FAM91A1: variants seen among roughly 807,000 people sequenced by gnomAD.
FAM91A1 encodes family with sequence similarity 91 member A1.
A neutral mutation model predicts 113.5 loss-of-function variants in FAM91A1; 41 were observed. The ratio of observed to expected loss-of-function variants is 0.36; its 90% confidence interval spans 0.28 to 0.47. FAM91A1 has a LOEUF of 0.47. Among genes scored for constraint, FAM91A1 ranks in the 20% least tolerant of loss-of-function variants. The probability of loss-of-function intolerance (pLI) is 1.00; values close to 1 mark genes in which losing one functional copy is unlikely to be tolerated. For missense variants in FAM91A1, 696 were observed against 1,001.2 expected, an observed-to-expected ratio of 0.70 and a Z score of 4.11; for synonymous variants, 307 against 347.9, an observed-to-expected ratio of 0.88 and a Z score of 1.31.
At chr8:123,803,583 GT>G (rs1353237866) in intron 18 of FAM91A1, among the ~76,000 whole-genome samples, 2 of 152,164 alleles carry the variant, frequency 1.3e-5, no homozygotes, top group Non-Finnish European at 2.9e-5. Context: ...GATTACAGGT[GT>G]GAGCCACCAC....
rs546263516 is a variant in FAM91A1 at position 123,769,970 on chromosome 8, C to A, written c.72+1196C>A. Among the ~76,000 whole-genome samples the A allele has an allele frequency of 3.0e-5, 3 of 99,820 alleles. No homozygotes were observed. In the South Asian group the frequency reaches 1.0e-3, roughly 34 times the overall value. The allele number at this position is 99,820 out of a possible 152,430, so 65.5% of individuals were successfully genotyped here. A position where few individuals can be genotyped will look rare whatever the true frequency, so the allele number is the denominator to read the frequency against. On this transcript the variant is annotated intron_variant, in intron 1 of 23. Transcript: ENST00000334705. Reference sequence around the variant, plus strand: ...TTTATTTTTATTTTTATTTTCATTTCTTTGAGACAGAGTCTCCTGTTGCCC... The same window carrying A: ...TTTATTTTTATTTTTATTTTCATTTATTTGAGACAGAGTCTCCTGTTGCCC...
At position 123,799,842 on chromosome 8, in the gene FAM91A1, C is replaced by G; in HGVS notation, c.1766C>G (p.Thr589Arg). 1 of 1,607,850 alleles carries G rather than the reference C, an allele frequency of 6.2e-7. No homozygotes were observed. Among genetic ancestry groups the G allele is most frequent in the Non-Finnish European group, 8.5e-7 (1 of 1,175,106 alleles). The change falls in exon 18 of 24, where the codon ACG becomes AGG. Residue 589 changes from threonine to arginine, a missense_variant. Physicochemically the swap from Thr to Arg is moderately conservative, Grantham distance 71. Transcript: ENST00000334705. Reference protein sequence around the residue: ...PGVVPTSNVLTMLNDALTHSA... With the variant: ...PGVVPTSNVLRMLNDALTHSA... ...GTAGTTCCTACCTCAAATGTGCTCA[C>G]GATGTTGAATGATGCTTTAACACAT...
intron 20 of FAM91A1, among the ~76,000 whole-genome samples, chr8:123,807,305 A>G (rs1450959530): frequency 1.3e-5 from 2 of 152,008 alleles, no homozygotes. Context: ...TCATTCCACA[A>G]ACATTTATGG....
chr8:123,808,905 A>G lies in FAM91A1; in HGVS notation c.2150A>G (p.Glu717Gly), dbSNP rs1346473830. Residue 717 changes from glutamate to glycine, a missense_variant, in exon 22 of 24, where the codon GAA becomes GGA. By Grantham distance (98) the Glu-to-Gly change is moderately conservative (BLOSUM62 -2). Coordinates refer to ENST00000334705, the MANE Select transcript of FAM91A1 (RefSeq NM_144963.4). ...ATKQTSGATTEADWVPLELCF... is the reference protein window; with the variant it reads ...ATKQTSGATTGADWVPLELCF... ...TATCCTTTCTTAGGTGCCACAACAG[A>G]AGCAGATTGGGTTCCTCTCGAGCTG... is the stretch of plus-strand genomic sequence containing the variant. 6.2e-7 allele frequency: 1 copy of G among 1,610,318 alleles called. No homozygotes were observed. Among genetic ancestry groups the G allele is most frequent in the Non-Finnish European group, 8.5e-7 (1 of 1,178,522 alleles).
intron 22 of FAM91A1, 74 bp from the exon 23 acceptor site, chr8:123,810,208 A>G (rs1815917098): frequency 6.9e-7 from 1 of 1,446,006 alleles, no homozygotes; most frequent in South Asian, 1.3e-5. Context: ...AATTGCTAAA[A>G]TTAAACTCTT....
intron 14 of FAM91A1, among the ~76,000 whole-genome samples, chr8:123,788,825 A>G (rs113401806): frequency 5.9e-5 from 9 of 152,230 alleles, no homozygotes; most frequent in African/African-American, 2.2e-4. Flanking sequence ...TCACAAAGTC[A>G]TTCTTGGGAA....
At chr8:123,796,187 A>G (rs969469586) in intron 15 of FAM91A1, among the ~76,000 whole-genome samples, 2 of 152,214 alleles carry the variant, frequency 1.3e-5, no homozygotes, top group Non-Finnish European at 2.9e-5. Flanking sequence ...ATGACCTTTA[A>G]GGCTTTTTAC....
intron 8 of FAM91A1, among the ~76,000 whole-genome samples, chr8:123,783,915 C>G (rs1202505757): frequency 1.3e-5 from 2 of 152,136 alleles, no homozygotes; most frequent in African/African-American, 4.8e-5. Flanking sequence ...AAAGAAAGCC[C>G]CAAAGAACGA....
At chr8:123,799,439 G>C (rs1478476683) in intron 16 of FAM91A1, 81 bp from the exon 17 acceptor site, 17 of 1,277,408 alleles carry the variant, frequency 1.3e-5, no homozygotes, top group Non-Finnish European at 1.7e-5. Context: ...TATGTGAAGG[G>C]ATTTGCTGTT....
At position 123,777,269 on chromosome 8, in the gene FAM91A1, T is replaced by C; in HGVS notation, c.314T>C (p.Ile105Thr). ...FSYYTGIMED[I>T]MNSEKSYDSL... ...AAATTTTTTTCTTTTTAAAAGGATA[T>C]TATGAACAGTGAGAAAAGTTATGAT... is the stretch of plus-strand genomic sequence containing the variant. The change falls in exon 4 of 24, where the codon ATT becomes ACT. Residue 105 changes from isoleucine to threonine, a missense_variant. Ile to Thr is a moderately conservative substitution (Grantham distance 89). Coordinates refer to ENST00000334705, the MANE Select transcript of FAM91A1 (RefSeq NM_144963.4). 1 of 1,607,416 alleles carries C rather than the reference T, an allele frequency of 6.2e-7. No homozygotes were observed. Among genetic ancestry groups the C allele is most frequent in the East Asian group, 2.2e-5 (1 of 44,712 alleles).
Position 123,787,386 on chromosome 8 carries a change from C to G in FAM91A1, c.1191+13C>G. ...AAATCTTTCACCAGTAAGCCCAATTCTTGTTTAAATATGAAGGTGTTTAAA... is the reference window on the plus strand; with the variant it reads ...AAATCTTTCACCAGTAAGCCCAATTGTTGTTTAAATATGAAGGTGTTTAAA... On this transcript the variant is annotated intron_variant, in intron 13 of 23. Coordinates refer to ENST00000334705, the MANE Select transcript of FAM91A1 (RefSeq NM_144963.4). 6.3e-7 allele frequency: 1 copy of G among 1,587,436 alleles called. No individual in the cohort carries two copies. The highest frequency in any genetic ancestry group is 8.6e-7 in the Non-Finnish European group (1 of 1,158,292).
Position 123,815,084 on chromosome 8 carries a change from C to T in FAM91A1, c.*2380C>T, listed in dbSNP as rs138161148. ...AGAATTTAATATTGATACAATTTCA[C>T]CTCTAAAATGGATTTGAAGAAATGC... On this transcript the variant is annotated 3_prime_UTR_variant, in exon 24 of 24. Transcript: ENST00000334705. The T allele has an allele frequency of 8.5e-5, 13 of 152,638 alleles. No individual in the cohort carries two copies. In the East Asian group the frequency reaches 2.3e-3, roughly 27 times the overall value. The allele number at this position is 152,638 out of a possible 1,614,324, so 9.5% of individuals were successfully genotyped here. A position where few individuals can be genotyped will look rare whatever the true frequency, so the allele number is the denominator to read the frequency against.
At position 123,768,845 on chromosome 8, in the gene FAM91A1, C is replaced by T. The variant is rs933699498; in HGVS notation, c.72+71C>T. On this transcript the variant is annotated intron_variant, in intron 1 of 23. Coordinates refer to ENST00000334705, the MANE Select transcript of FAM91A1 (RefSeq NM_144963.4). ...CCAGCGGTCACCTGCTTGCCTCGCT[C>T]GCGGGGCCCGAGCGGGCTGCTGCCG... The T allele has an allele frequency of 4.0e-6, 6 of 1,482,286 alleles. No individual in the cohort carries two copies. In the African/African-American group the frequency reaches 4.2e-5, roughly 10 times the overall value. The allele number at this position is 1,482,286 out of a possible 1,614,324, so 91.8% of individuals were successfully genotyped here.
At chr8:123,801,831 A>G (rs1241757921) in intron 18 of FAM91A1, among the ~76,000 whole-genome samples, 9 of 147,886 alleles carry the variant, frequency 6.1e-5, no homozygotes, top group Non-Finnish European at 1.2e-4. Flanking sequence ...CTTTGCTGCT[A>G]TTTTTCTAGT....
chr8:123,796,552 C>T (rs1181605114), intron 15 of FAM91A1, among the ~76,000 whole-genome samples: 4 of 150,798 alleles, frequency 2.7e-5, no homozygotes, highest in South Asian at 2.1e-4. Flanking sequence ...CTCCGCCTCC[C>T]GGGTCAACCG....
intron 14 of FAM91A1, among the ~76,000 whole-genome samples, chr8:123,789,247 G>GTTAT (rs915333576): frequency 3.9e-5 from 6 of 152,182 alleles, no homozygotes; most frequent in African/African-American, 1.4e-4. Flanking sequence ...TGTGAACAAA[G>GTTAT]TTATGAGAAT....
At chr8:123,797,354 AAGTT>A (rs988574228) in intron 15 of FAM91A1, among the ~76,000 whole-genome samples, 1 of 152,100 alleles carries the variant, frequency 6.6e-6, no homozygotes, top group Non-Finnish European at 1.5e-5. Context: ...AGAAACAAGA[AAGTT>A]AGATGGAACT....
intron 8 of FAM91A1, among the ~76,000 whole-genome samples, chr8:123,784,060 C>T (rs184899435): frequency 6.6e-6 from 1 of 152,228 alleles, no homozygotes; most frequent in East Asian, 1.9e-4. Context: ...GCAACTCTTT[C>T]TTGCAGTCAT....
At chr8:123,777,365 G>A (rs1815011137) in intron 4 of FAM91A1, 43 bp downstream of exon 4, 2 of 1,537,030 alleles carry the variant, frequency 1.3e-6, no homozygotes, top group Non-Finnish European at 1.8e-6. Flanking sequence ...TTTAGGTTGT[G>A]TCTTTGTGCA....
Sources: allele counts gnomAD v4.1 joint callset (sites outside exome capture counted in the v4.1 genomes callset), GRCh38; gene constraint gnomAD v4.1.1; transcripts MANE v1.5; gene names NCBI Gene and HGNC (gene_info 2026-07-23, HGNC 2026-07-21).